PDE4D: variants seen among roughly 807,000 people sequenced by gnomAD.
PDE4D encodes 3',5'-cyclic-AMP phosphodiesterase 4D.
Under a neutral mutation model 87.4 loss-of-function variants are expected in PDE4D, and 24 were observed. The ratio of observed to expected loss-of-function variants is 0.27; its 90% CI spans 0.20 to 0.39. PDE4D has a LOEUF of 0.39. PDE4D is among the 10% of genes least tolerant of loss of function. The pLI is 1.00. For missense variants in PDE4D, 714 were observed against 1,041.0 expected, an observed-to-expected ratio of 0.69 and a Z score of 4.32; for synonymous variants, 384 against 383.2, an observed-to-expected ratio of 1.00 and a Z score of -0.02.
chr5:59,148,728 CTG>C (rs1779022610), intron 5 of PDE4D, among the ~76,000 whole-genome samples: 1 of 150,954 alleles, frequency 6.6e-6, no homozygotes, highest in African/African-American at 2.4e-5. Flanking sequence ...GGAAATAAAA[CTG>C]TTTTCCAAAA....
At chr5:59,677,779 T>G (rs1392128808) in intron 1 of PDE4D, among the ~76,000 whole-genome samples, 1 of 152,142 alleles carries the variant, frequency 6.6e-6, no homozygotes, top group Non-Finnish European at 1.5e-5. Context: ...ATCCAGATCA[T>G]TCCAATACCC....
At chr5:59,218,961 G>A (rs527259699) in intron 1 of PDE4D, among the ~76,000 whole-genome samples, 13 of 143,966 alleles carry the variant, frequency 9.0e-5, no homozygotes, top group Admixed American at 2.9e-4. Context: ...ACCAAACACC[G>A]CATATTCTCA....
intron 1 of PDE4D, among the ~76,000 whole-genome samples, chr5:60,507,036 T>C (rs1485902679): frequency 6.6e-6 from 1 of 152,228 alleles, no homozygotes; most frequent in Non-Finnish European, 1.5e-5. Flanking sequence ...TATGCCATGA[T>C]TATTTTCACA....
At chr5:59,275,434 T>A in intron 1 of PDE4D, 1 of 1,593,352 alleles carries the variant, frequency 6.3e-7, no homozygotes, top group Admixed American at 1.7e-5. Flanking sequence ...AAATAAGTCT[T>A]CAACTATTCT....
chr5:59,705,186 A>C (rs1209194596), intron 1 of PDE4D, among the ~76,000 whole-genome samples: 2 of 152,150 alleles, frequency 1.3e-5, no homozygotes, highest in Non-Finnish European at 2.9e-5. Flanking sequence ...ATAGTAAATG[A>C]AAGATTGTTC....
intron 1 of PDE4D, among the ~76,000 whole-genome samples, chr5:60,227,093 A>G (rs1745205414): frequency 6.6e-6 from 1 of 152,146 alleles, no homozygotes; most frequent in African/African-American, 2.4e-5. Context: ...ACATATGCAC[A>G]TAGTGCATAA....
chr5:59,627,229 G>A (rs1192913281), intron 1 of PDE4D, among the ~76,000 whole-genome samples: 1 of 152,210 alleles, frequency 6.6e-6, no homozygotes, highest in Non-Finnish European at 1.5e-5. Flanking sequence ...ACTGGATGGT[G>A]ATAAGTTTGA....
intron 1 of PDE4D, among the ~76,000 whole-genome samples, chr5:60,247,607 A>G (rs1388114822): frequency 1.3e-5 from 2 of 151,984 alleles, no homozygotes; most frequent in African/African-American, 4.8e-5. Context: ...ACAACTAGAA[A>G]CATTACACTG....
intron 1 of PDE4D, among the ~76,000 whole-genome samples, chr5:60,313,912 C>T (rs1383522118): frequency 6.6e-6 from 1 of 152,112 alleles, no homozygotes; most frequent in African/African-American, 2.4e-5. Flanking sequence ...TAAAAACCTT[C>T]AGCAAACTAG....
At chr5:59,065,608 C>T (rs191237683) in intron 5 of PDE4D, among the ~76,000 whole-genome samples, 1 of 152,218 alleles carries the variant, frequency 6.6e-6, no homozygotes, top group Non-Finnish European at 1.5e-5. Context: ...TGTCTCCAAA[C>T]ATCTTGCAGA....
chr5:60,198,982 C>T, intron 1 of PDE4D, among the ~76,000 whole-genome samples: 1 of 151,746 alleles, frequency 6.6e-6, no homozygotes, highest in East Asian at 1.9e-4. Context: ...AATTATAGTA[C>T]AAGATTTAAC....
chr5:59,668,867 G>A (rs1746637735), intron 1 of PDE4D, among the ~76,000 whole-genome samples: 1 of 74,606 alleles, frequency 1.3e-5, no homozygotes. Context: ...AGAAGAAGAA[G>A]AAGAAGAAGA....
intron 3 of PDE4D, among the ~76,000 whole-genome samples, chr5:59,916,607 C>G (rs1754069361): frequency 6.6e-6 from 1 of 152,082 alleles, no homozygotes; most frequent in Non-Finnish European, 1.5e-5. Flanking sequence ...GGTTTTAAAA[C>G]CTACTTAAAA....
chr5:59,545,844 C>T lies in PDE4D; in HGVS notation c.456-329876G>A, dbSNP rs143672633. 2.1e-3 allele frequency among the ~76,000 whole-genome samples: 319 copies of T among 152,088 alleles called. 3 individuals are homozygous for T. Among genetic ancestry groups the T allele is most frequent in the African/African-American group, 7.0e-3 (291 of 41,512 alleles). On this transcript the variant is annotated intron_variant, in intron 1 of 14. Transcript: ENST00000340635. ...TCTTTGAAGAAAAAAAAATTGTTGA[C>T]GAAGTAAAATAGCATTAAATCCTGT...
intron 2 of PDE4D, among the ~76,000 whole-genome samples, chr5:60,062,471 T>G (rs1433214379): frequency 6.6e-6 from 1 of 152,150 alleles, no homozygotes; most frequent in Admixed American, 6.6e-5. Context: ...TTGGTGGGAA[T>G]GTAAATTAGT....
chr5:60,151,447 G>T lies in PDE4D; in HGVS notation c.42+34110C>A, dbSNP rs1380553560. ...TTCTTTAATTTCTTTCATTAACGTT[G>T]TATAGTTTTCAGTCTTTCACCTTCT... On this transcript the variant is annotated intron_variant, in intron 2 of 16. Transcript: ENST00000502484. 2.0e-5 allele frequency among the ~76,000 whole-genome samples: 3 copies of T among 152,084 alleles called. No individual in the cohort carries two copies. In the South Asian group the frequency reaches 6.2e-4, roughly 32 times the overall value.
intron 1 of PDE4D, among the ~76,000 whole-genome samples, chr5:59,742,392 G>A (rs1026033779): frequency 1.3e-5 from 2 of 152,080 alleles, no homozygotes; most frequent in Non-Finnish European, 2.9e-5. Flanking sequence ...CATTTATAAA[G>A]TACATACCCC....
chr5:59,873,451 A>G (rs1748116951), intron 1 of PDE4D, among the ~76,000 whole-genome samples: 2 of 152,336 alleles, frequency 1.3e-5, no homozygotes, highest in African/African-American at 4.8e-5. Flanking sequence ...CACTCCAACT[A>G]TGCAGAAGCT....
intron 1 of PDE4D, among the ~76,000 whole-genome samples, chr5:59,829,298 T>A (rs1459824319): frequency 6.6e-6 from 1 of 152,118 alleles, no homozygotes; most frequent in African/African-American, 2.4e-5. Flanking sequence ...AATAATCAAC[T>A]GCTTGTAGAT....
Sources: allele counts gnomAD v4.1 joint callset (sites outside exome capture counted in the v4.1 genomes callset), GRCh38; gene constraint gnomAD v4.1.1; transcripts MANE v1.5; gene names NCBI Gene and HGNC (gene_info 2026-07-23, HGNC 2026-07-21).